Variants in NRCAM observed in about 807,000 individuals in gnomAD.
The protein encoded by NRCAM is neuronal cell adhesion molecule, also known as NgCAM-related cell adhesion molecule.
In NRCAM, 83 loss-of-function variants were observed where a neutral mutation model predicts 156.5. That is an observed-to-expected ratio of 0.53 (90% CI 0.44 to 0.64). The LOEUF (loss-of-function observed/expected upper bound fraction) is 0.64, where lower values mean the gene tolerates loss of function less well. NRCAM is among the 30% of genes least tolerant of loss of function. NRCAM has a pLI of 0.00. For synonymous variants in NRCAM, 538 were observed against 563.9 expected (o/e 0.95, Z 0.65); for missense variants, 1,417 against 1,597.3 (o/e 0.89, Z 1.92).
chr7:108,452,217 T>C (rs1851195338), intron 1 of NRCAM, among the ~76,000 whole-genome samples: 1 of 152,186 alleles, frequency 6.6e-6, no homozygotes, highest in Non-Finnish European at 1.5e-5. Context: ...TGGTGATTGC[T>C]AGTGGGTAGG....
intron 1 of NRCAM, among the ~76,000 whole-genome samples, chr7:108,411,722 G>A (rs1053823985): frequency 6.6e-6 from 1 of 151,780 alleles, no homozygotes; most frequent in Non-Finnish European, 1.5e-5. Flanking sequence ...TAGTAGAGAC[G>A]GGGTTTCACC....
intron 1 of NRCAM, among the ~76,000 whole-genome samples, chr7:108,421,047 C>A (rs1424993371): frequency 1.3e-5 from 2 of 152,008 alleles, no homozygotes; most frequent in Non-Finnish European, 2.9e-5. Flanking sequence ...CCCCACATAC[C>A]CCAAAATAGC....
intron 11 of NRCAM, among the ~76,000 whole-genome samples, chr7:108,210,251 TTG>T (rs200534904): frequency 0.23 from 33,724 of 149,692 alleles, 3,720 homozygotes; most frequent in Non-Finnish European, 0.26. Context: ...ATGTTTTGTT[TTG>T]TTTTTTTTTT....
At chr7:108,214,804 G>T (rs546930651) in intron 11 of NRCAM, among the ~76,000 whole-genome samples, 1 of 152,176 alleles carries the variant, frequency 6.6e-6, no homozygotes. Flanking sequence ...TTGTGTCTTT[G>T]TTCTCATTGG....
intron 1 of NRCAM, among the ~76,000 whole-genome samples, chr7:108,417,842 C>T (rs1006290951): frequency 1.3e-5 from 2 of 152,184 alleles, no homozygotes; most frequent in Non-Finnish European, 2.9e-5. Context: ...CGGACAGTCA[C>T]TCATTGCCCA....
chr7:108,413,983 C>A (rs1487429580), intron 1 of NRCAM, among the ~76,000 whole-genome samples: 1 of 152,198 alleles, frequency 6.6e-6, no homozygotes, highest in Non-Finnish European at 1.5e-5. Context: ...CCTGCACCCT[C>A]ATCCTGTGTA....
rs565872493 is a variant in NRCAM at position 108,186,704 on chromosome 7, T to C, written c.2036-2090A>G. ...AAGTAGCTAGGTTCATACATCTTTA[T>C]ATGTATTTATATCTTAAATAAATGT... is the stretch of plus-strand genomic sequence containing the variant. On this transcript the variant is annotated intron_variant, in intron 20 of 32. Coordinates refer to ENST00000379028, the MANE Select transcript of NRCAM (RefSeq NM_001037132.4). Among the ~76,000 whole-genome samples, 14 of 152,390 alleles carry C rather than the reference T, an allele frequency of 9.2e-5. No homozygotes were observed. In the South Asian group the frequency reaches 2.9e-3, roughly 32 times the overall value.
chr7:108,239,175 A>G (rs2153801329), intron 4 of NRCAM, among the ~76,000 whole-genome samples: 1 of 152,236 alleles, frequency 6.6e-6, no homozygotes, highest in East Asian at 1.9e-4. Flanking sequence ...ACCTAGCATT[A>G]TCTTTATTTT....
At chr7:108,442,596 TA>T (rs1839877034) in intron 1 of NRCAM, among the ~76,000 whole-genome samples, 2 of 152,216 alleles carry the variant, frequency 1.3e-5, no homozygotes, top group Non-Finnish European at 1.5e-5. Flanking sequence ...TTCAAAGTAG[TA>T]AAAGCTGGTG....
chr7:108,187,002 T>A (rs1216023964), intron 20 of NRCAM, among the ~76,000 whole-genome samples: 1 of 152,154 alleles, frequency 6.6e-6, no homozygotes, highest in Non-Finnish European at 1.5e-5. Context: ...CTGTGTTTTT[T>A]TAATATCAGA....
intron 3 of NRCAM, among the ~76,000 whole-genome samples, chr7:108,255,430 G>A (rs534457821): frequency 4.3e-4 from 66 of 152,328 alleles, no homozygotes; most frequent in African/African-American, 1.5e-3. Context: ...GGCCTCCCGA[G>A]GTGCCGGGAT....
In NRCAM at chr7:108,362,977, C is replaced by A. The variant is rs1427838500; in HGVS notation, c.-174+36459G>T. Among the ~76,000 whole-genome samples the A allele has an allele frequency of 2.0e-5, 3 of 151,990 alleles. No homozygotes were observed. In the East Asian group the frequency reaches 5.8e-4, roughly 29 times the overall value. On this transcript the variant is annotated intron_variant, in intron 2 of 32. Transcript: ENST00000379028. ...TGGGGCAGGAAATGTGCAAGATGAGCCTGGAGCATCTTAAGAACTTGCTAA... is the reference window on the plus strand; with the variant it reads ...TGGGGCAGGAAATGTGCAAGATGAGACTGGAGCATCTTAAGAACTTGCTAA...
intron 3 of NRCAM, among the ~76,000 whole-genome samples, chr7:108,309,851 A>G (rs1391081814): frequency 2.0e-5 from 3 of 152,182 alleles, no homozygotes; most frequent in Admixed American, 6.5e-5. Flanking sequence ...GTGAGACTCC[A>G]TCTCAAGAAA....
At chr7:108,381,013 T>G (rs2099698572) in intron 2 of NRCAM, among the ~76,000 whole-genome samples, 1 of 152,168 alleles carries the variant, frequency 6.6e-6, no homozygotes, top group Admixed American at 6.5e-5. Context: ...GAGTCCTGTC[T>G]GGGCAACACA....
At chr7:108,380,088 T>C (rs2154356394) in intron 2 of NRCAM, among the ~76,000 whole-genome samples, 1 of 152,252 alleles carries the variant, frequency 6.6e-6, no homozygotes, top group Admixed American at 6.5e-5. Flanking sequence ...GATAAGATTG[T>C]TTACAGCAGT....
intron 30 of NRCAM, among the ~76,000 whole-genome samples, chr7:108,164,616 C>T (rs1048542951): frequency 2.0e-5 from 3 of 151,262 alleles, no homozygotes; most frequent in African/African-American, 7.3e-5. Context: ...ACGGTGCTTT[C>T]ACACTGGAGT....
At chr7:108,183,141 T>C (rs1248300315) in intron 22 of NRCAM, among the ~76,000 whole-genome samples, 1 of 152,258 alleles carries the variant, frequency 6.6e-6, no homozygotes, top group Non-Finnish European at 1.5e-5. Context: ...TAAACTACTA[T>C]CTTGATGCAA....
chr7:108,261,884 C>T lies in NRCAM; in HGVS notation c.-106-21714G>A, dbSNP rs138423605. ...TTAGTCTTGTGAGGGCCAGTCTAGA[C>T]CAGTGAAGATCTGGAGTCAGTGGAT... On this transcript the variant is annotated intron_variant, in intron 3 of 32. Transcript: ENST00000379028. Among the ~76,000 whole-genome samples, 985 of 152,248 alleles carry T rather than the reference C, an allele frequency of 6.5e-3. 2 individuals are homozygous for T. The highest frequency in any genetic ancestry group is 9.9e-3 in the Non-Finnish European group (672 of 68,022).
rs2300003 is a variant in NRCAM, at chr7:108,270,957, T to C, written c.-106-30787A>G. On this transcript the variant is annotated intron_variant, in intron 3 of 32. Transcript: ENST00000379028. ...TTCTGTAGATAGATGGTGGTGATGC[T>C]GGCACAAGGTGAATACACTTAATGC... Among the ~76,000 whole-genome samples, 50 of 152,330 alleles carry C rather than the reference T, an allele frequency of 3.3e-4. No homozygotes were observed. In the East Asian group the frequency reaches 7.9e-3, roughly 24 times the overall value.
Sources: allele counts gnomAD v4.1 joint callset (sites outside exome capture counted in the v4.1 genomes callset), GRCh38; gene constraint gnomAD v4.1.1; transcripts MANE v1.5; gene names NCBI Gene and HGNC (gene_info 2026-07-23, HGNC 2026-07-21).